CENPF: variants seen among roughly 807,000 people sequenced by gnomAD.
The protein encoded by CENPF is centromere protein F, also known as AH antigen.
CENPF carries 214 observed loss-of-function variants against 307.3 expected under a neutral mutation model. That is an observed-to-expected ratio of 0.70 (90% confidence interval 0.62 to 0.78). The LOEUF is 0.78. Ranked by LOEUF, CENPF falls within the 30% of genes least tolerant of loss-of-function variation. The pLI, the probability that CENPF is intolerant of heterozygous loss-of-function variation, is 0.00. For missense variants in CENPF, 3,401 were observed against 3,483.9 expected (o/e 0.98, Z 0.60); for synonymous variants, 1,259 against 1,270.6 (o/e 0.99, Z 0.19).
At chr1:214,651,972 A>T in intron 15 of CENPF, 86 bp downstream of exon 15, 1 of 1,225,718 alleles carries the variant, frequency 8.2e-7, no homozygotes, top group Non-Finnish European at 1.1e-6. Flanking sequence ...AAAAAAATCA[A>T]TATTCTGGGT....
At chr1:214,652,062 C>T (rs1317193913) in intron 15 of CENPF, among the ~76,000 whole-genome samples, 176 bp downstream of exon 15, 5 of 135,352 alleles carry the variant, frequency 3.7e-5, no homozygotes, top group Admixed American at 2.9e-4. Flanking sequence ...CTTATTTTAT[C>T]AGTTGATTTT....
intron 18 of CENPF, 71 bp downstream of exon 18, chr1:214,657,480 GA>G: frequency 1.7e-6 from 2 of 1,164,510 alleles, no homozygotes; most frequent in Non-Finnish European, 2.4e-6. Context: ...CATATAAAAA[GA>G]CAAAAGTATT....
At chr1:214,647,429 A>G in intron 13 of CENPF, 29 bp downstream of exon 13, 1 of 1,561,974 alleles carries the variant, frequency 6.4e-7, no homozygotes, top group Non-Finnish European at 8.7e-7. Context: ...TTATGTTTAA[A>G]TATGTAGTCA....
intron 10 of CENPF, among the ~76,000 whole-genome samples, chr1:214,636,384 C>T (rs751686148): frequency 6.6e-6 from 1 of 152,166 alleles, no homozygotes. Flanking sequence ...ATCTTGAGAT[C>T]GGTTGGAGCT....
intron 10 of CENPF, among the ~76,000 whole-genome samples, chr1:214,635,390 G>C (rs189834735): frequency 6.6e-6 from 1 of 152,334 alleles, no homozygotes; most frequent in African/African-American, 2.4e-5. Flanking sequence ...GGAATTGCTT[G>C]CTAAGCTCTA....
chr1:214,662,091 C>T (rs376001687), intron 19 of CENPF, among the ~76,000 whole-genome samples: 7 of 152,124 alleles, frequency 4.6e-5, no homozygotes, highest in African/African-American at 1.7e-4. Context: ...AAAGAGTGGA[C>T]GTTAGCCATT....
chr1:214,652,803 GT>G (rs748787539), intron 15 of CENPF, 24 bp from the exon 16 acceptor site: 15 of 1,531,812 alleles, frequency 9.8e-6, no homozygotes, highest in South Asian at 5.1e-5. Flanking sequence ...TAACATTTTG[GT>G]TTTTTTTGTT....
At position 214,658,927 on chromosome 1, in the gene CENPF, C is replaced by G. The variant is rs752628892; in HGVS notation, c.9040C>G (p.Arg3014Gly). The change falls in exon 19 of 20, where the codon CGC becomes GGC. Residue 3014 changes from arginine to glycine, a missense_variant. Arg to Gly is a moderately radical substitution (Grantham distance 125). Coordinates refer to ENST00000366955, the MANE Select transcript of CENPF (RefSeq NM_016343.4). ...RTTMATRTSP[R>G]LAAQKLALSP... is the part of the protein sequence containing the mutation. Reference sequence around the variant, plus strand: ...AACCATGGCAACTCGGACCAGCCCCCGCCTGGCTGCACAGAAGTTAGCGCT... The same window carrying G: ...AACCATGGCAACTCGGACCAGCCCCGGCCTGGCTGCACAGAAGTTAGCGCT... 2 of 1,614,112 alleles carry G rather than the reference C, an allele frequency of 1.2e-6. No homozygotes were observed. Among genetic ancestry groups the G allele is most frequent in the South Asian group, 1.1e-5 (1 of 91,082 alleles).
Position 214,644,448 on chromosome 1 carries a change from T to C in CENPF, c.4987-109T>C, listed in dbSNP as rs1010219451. On this transcript the variant is annotated intron_variant, in intron 12 of 19. Coordinates refer to ENST00000366955, the MANE Select transcript of CENPF (RefSeq NM_016343.4). ...GGGAAATTCACCACTTTAAGAGATG[T>C]GTTTAGCAGAGGCCACGCATCAGTT... 6.3e-6 allele frequency: 6 copies of C among 956,630 alleles called. No individual in the cohort carries two copies. The African/African-American group carries it at 8.3e-5, about 13-fold the overall frequency. The allele number at this position is 956,630 out of a possible 1,614,324, so 59.3% of individuals were successfully genotyped here.
At chr1:214,648,532 T>C in intron 13 of CENPF, 143 bp from the exon 14 acceptor site, 1 of 859,330 alleles carries the variant, frequency 1.2e-6, no homozygotes, top group Non-Finnish European at 2.0e-6. Flanking sequence ...TTGAGTTGAG[T>C]GGATTAGTAA....
In CENPF at chr1:214,638,095, AT is replaced by A. The variant is rs922601011; in HGVS notation, c.1582+102del. On this transcript the variant is annotated intron_variant, in intron 11 of 19. Transcript: ENST00000366955. The stretch of plus-strand genomic sequence containing the variant: ...TTAACATATTAGAGAAACTCTTTGG[AT>A]TTTTTTTCATATATTCCCTCAAAAA... The A allele has an allele frequency of 4.7e-5, 59 of 1,250,844 alleles. 1 individual carries two copies. In the East Asian group the frequency reaches 9.0e-4, roughly 19 times the overall value. The allele number at this position is 1,250,844 out of a possible 1,614,324, so 77.5% of individuals were successfully genotyped here.
intron 7 of CENPF, 91 bp downstream of exon 7, chr1:214,622,372 T>C: frequency 9.5e-7 from 1 of 1,056,112 alleles, no homozygotes; most frequent in Admixed American, 2.5e-5. Flanking sequence ...TTATGAAATG[T>C]CAGTAATGTT....
At chr1:214,626,108 T>G (rs1657648824) in intron 7 of CENPF, among the ~76,000 whole-genome samples, 1 of 152,222 alleles carries the variant, frequency 6.6e-6, no homozygotes, top group Non-Finnish European at 1.5e-5. Context: ...TTTAGAGAAC[T>G]TCCTTTAGCC....
intron 10 of CENPF, among the ~76,000 whole-genome samples, chr1:214,634,842 G>A (rs553257222): frequency 2.0e-5 from 3 of 152,306 alleles, no homozygotes; most frequent in Admixed American, 6.5e-5. Context: ...AATTTAGGAC[G>A]CTTATAGGTT....
intron 16 of CENPF, 103 bp downstream of exon 16, chr1:214,653,092 T>C (rs1571726186): frequency 1.7e-6 from 2 of 1,161,578 alleles, no homozygotes; most frequent in East Asian, 2.4e-5. Context: ...TTTATGAAAA[T>C]TTTTGGTAGT....
chr1:214,642,029 A>G lies in CENPF; in HGVS notation c.3691A>G (p.Lys1231Glu), dbSNP rs1658133184. The G allele has an allele frequency of 6.2e-7, 1 of 1,611,266 alleles. No individual in the cohort carries two copies. Among genetic ancestry groups the G allele is most frequent in the East Asian group, 2.2e-5 (1 of 44,872 alleles). The change falls in exon 12 of 20, where the codon AAG becomes GAG. Residue 1231 changes from lysine (K) to glutamate (E), a missense_variant. Lys to Glu is a moderately conservative substitution (Grantham distance 56). Coordinates refer to ENST00000366955, the MANE Select transcript of CENPF (RefSeq NM_016343.4). ...ELKLQESEKE[K>E]ECLQHELQTI... ...AAAACTTCAGGAAAGTGAGAAGGAG[A>G]AGGAGTGCCTGCAGCATGAATTACA...
chr1:214,644,797 TCAGAATGCATTTCTGAA>T lies in CENPF; in HGVS notation c.5228_5244del (p.Ser1743PhefsTer7). The T allele has an allele frequency of 6.2e-7, 1 of 1,614,024 alleles. No individual in the cohort carries two copies. Among genetic ancestry groups the T allele is most frequent in the Non-Finnish European group, 8.5e-7 (1 of 1,179,986 alleles). ...AGGGGAAGATAAAACCCAGGGCTCT[TCAGAATGCATTTCTGAA>T]TTGTCATTTTCTGGTCCTAATGCTT... On this transcript the variant is annotated frameshift_variant, in exon 13 of 20. Coordinates refer to ENST00000366955, the MANE Select transcript of CENPF (RefSeq NM_016343.4). LOFTEE classifies it high-confidence loss of function.
chr1:214,643,106 T>G lies in CENPF; in HGVS notation c.4768T>G (p.Ser1590Ala), dbSNP rs770411451. 1 of 1,604,260 alleles carries G rather than the reference T, an allele frequency of 6.2e-7. No homozygotes were observed. Among genetic ancestry groups the G allele is most frequent in the South Asian group, 1.1e-5 (1 of 89,790 alleles). The change falls in exon 12 of 20, where the codon TCT becomes GCT. Residue 1590 changes from serine (S) to alanine (A), a missense_variant. Coordinates refer to ENST00000366955, the MANE Select transcript of CENPF (RefSeq NM_016343.4). ...EIQELEQLLSSERQELDCLRK... is the reference protein window; with the variant it reads ...EIQELEQLLSAERQELDCLRK... ...TCAAGAGCTCGAGCAGTTATTAAGT[T>G]CTGAAAGGCAAGAGCTTGACTGCCT...
chr1:214,651,940 G>A, intron 15 of CENPF, 54 bp downstream of exon 15: 1 of 1,441,150 alleles, frequency 6.9e-7, no homozygotes, highest in Non-Finnish European at 9.2e-7. Context: ...TTTGATCATG[G>A]TAAGGCTTTT....
Sources: gnomAD v4.1 joint callset for allele counts (sites outside exome capture counted in the v4.1 genomes callset) on GRCh38, gnomAD v4.1.1 for gene constraint, MANE v1.5 for transcripts, NCBI Gene and HGNC (gene_info 2026-07-23, HGNC 2026-07-21) for gene names.